The following ZNF831 variants were observed in gnomAD, a reference collection of about 807,000 sequenced individuals.
The protein encoded by ZNF831 is chromosome 20 open reading frame 174.
ZNF831 carries 59 observed loss-of-function variants against 95.8 expected under a neutral mutation model. The ratio of observed to expected loss-of-function variants is 0.62; its 90% CI spans 0.50 to 0.77. ZNF831 has a LOEUF of 0.77. ZNF831 is among the 30% of genes least tolerant of loss of function. The pLI is 0.00. For synonymous variants in ZNF831, 961 were observed against 925.5 expected (o/e 1.04, Z -0.70); for missense variants, 2,205 against 2,164.0 (o/e 1.02, Z -0.38).
chr20:59,159,928 G>A (rs1980758678), upstream of ZNF831: 1 of 152,528 alleles, frequency 6.6e-6, no homozygotes, highest in Non-Finnish European at 1.5e-5. Flanking sequence ...AGCAAGTTCA[G>A]GGAAGTGAGG....
chr20:59,128,854 C>T (rs1480143917), intron 1 of ZNF831, among the ~76,000 whole-genome samples: 2 of 152,196 alleles, frequency 1.3e-5, no homozygotes, highest in East Asian at 1.9e-4. Context: ...CTCCACCTCC[C>T]GGGTTCAAGC....
chr20:59,200,287 T>G (rs1984434287), intron 3 of ZNF831, among the ~76,000 whole-genome samples: 2 of 152,192 alleles, frequency 1.3e-5, no homozygotes, highest in Non-Finnish European at 2.9e-5. Context: ...ATTGCCTCTG[T>G]CCTGTTCCCT....
upstream of ZNF831, among the ~76,000 whole-genome samples, chr20:59,163,219 A>G (rs1245144692): frequency 3.3e-5 from 5 of 152,170 alleles, no homozygotes; most frequent in Non-Finnish European, 7.4e-5. Flanking sequence ...TTTTCTAGAT[A>G]TAGAATCATA....
At chr20:59,236,460 G>T in intron 4 of ZNF831, among the ~76,000 whole-genome samples, 1 of 150,596 alleles carries the variant, frequency 6.6e-6, no homozygotes. Flanking sequence ...TTTTGTTTTT[G>T]TTTTTTGTTT....
chr20:59,192,165 G>A lies in ZNF831; in HGVS notation c.1146G>A (p.Gly382=), dbSNP rs767596721. 28 of 1,561,792 alleles carry A rather than the reference G, an allele frequency of 1.8e-5. No homozygotes were observed. The highest frequency in any genetic ancestry group is 2.2e-5 in the Non-Finnish European group (26 of 1,159,232). ...ESEGEGGPGP[G]PGVAGAEPGA... ...AGGGGGAGGGCGGCCCGGGCCCGGG[G>A]CCAGGGGTCGCAGGGGCCGAGCCCG... is the stretch of plus-strand genomic sequence containing the variant. The change falls in exon 2 of 6, where the codon GGG becomes GGA. Residue 382 remains glycine, a synonymous_variant. Coordinates refer to ENST00000371030, the MANE Select transcript of ZNF831 (RefSeq NM_178457.3). The surrounding 1 kb of genome is among the most constrained non-coding windows in gnomAD (Gnocchi z 5.2).
intron 1 of ZNF831, among the ~76,000 whole-genome samples, chr20:59,145,811 C>T (rs957856231): frequency 1.7e-4 from 26 of 152,014 alleles, no homozygotes; most frequent in African/African-American, 4.8e-4. Context: ...TGTGAGTGGC[C>T]GTGGGAGTGG....
rs569143206 is a variant in ZNF831 at position 59,204,705 on chromosome 20, C to T, written c.3876-2200C>T. On this transcript the variant is annotated intron_variant, in intron 3 of 5. Coordinates refer to ENST00000371030, the MANE Select transcript of ZNF831 (RefSeq NM_178457.3). The stretch of plus-strand genomic sequence containing the variant: ...CCTGACAAAGGTGGCAAGGGGGTGA[C>T]GAGTGTATCACCCTCACAGCCGGGT... Among the ~76,000 whole-genome samples, 3 of 152,246 alleles carry T rather than the reference C, an allele frequency of 2.0e-5. No homozygotes were observed. The South Asian group carries it at 6.2e-4, about 32-fold the overall frequency.
chr20:59,164,960 A>G (rs757709129), intron 1 of ZNF831, among the ~76,000 whole-genome samples: 10 of 152,244 alleles, frequency 6.6e-5, no homozygotes, highest in Non-Finnish European at 1.0e-4. Context: ...CTGACTGGGA[A>G]AAACAGAATC....
Position 59,253,067 on chromosome 20 carries a change from C to A in ZNF831, c.4117C>A (p.Gln1373Lys). Residue 1373 changes from glutamine to lysine, a missense_variant, in exon 5 of 6, where the codon CAA (glutamine) becomes AAA (lysine). Gln to Lys is a moderately conservative substitution (Grantham distance 53). Coordinates refer to ENST00000371030, the MANE Select transcript of ZNF831 (RefSeq NM_178457.3). ...KEEKKEGDCR[Q>K]TLGTLSLGTS... ...AGAGAAGAAGGAAGGTGACTGCAGA[C>A]AAACCTTAGGAACCCTCTCTCTTGG... The A allele has an allele frequency of 6.2e-7, 1 of 1,614,106 alleles. No homozygotes were observed. Among genetic ancestry groups the A allele is most frequent in the Non-Finnish European group, 8.5e-7 (1 of 1,179,988 alleles).
At chr20:59,187,934 A>G (rs149231082) in intron 1 of ZNF831, among the ~76,000 whole-genome samples, 1 of 152,354 alleles carries the variant, frequency 6.6e-6, no homozygotes, top group East Asian at 1.9e-4. Flanking sequence ...TTCATGCAGC[A>G]TGACGTTTTC....
intron 1 of ZNF831, among the ~76,000 whole-genome samples, chr20:59,130,136 G>A (rs1165367412): frequency 6.6e-6 from 1 of 152,168 alleles, no homozygotes; most frequent in Non-Finnish European, 1.5e-5. Context: ...AGGGAGCTAG[G>A]AAGGGCCTGG....
chr20:59,220,162 G>C (rs549048258), intron 4 of ZNF831, among the ~76,000 whole-genome samples: 1 of 152,270 alleles, frequency 6.6e-6, no homozygotes, highest in East Asian at 1.9e-4. Flanking sequence ...AATGAATCCT[G>C]AGTTTTGTTC....
intron 1 of ZNF831, among the ~76,000 whole-genome samples, chr20:59,141,567 A>G (rs1979680770): frequency 6.6e-6 from 1 of 152,100 alleles, no homozygotes; most frequent in Non-Finnish European, 1.5e-5. Context: ...ATTCTGTTCT[A>G]TTGATTTAGG....
At chr20:59,132,026 T>A (rs1979364868) in intron 1 of ZNF831, among the ~76,000 whole-genome samples, 1 of 152,226 alleles carries the variant, frequency 6.6e-6, no homozygotes, top group Non-Finnish European at 1.5e-5. Flanking sequence ...GGGGTAACAT[T>A]CTGGATGCCT....
chr20:59,136,609 A>AT (rs1979519271), intron 1 of ZNF831, among the ~76,000 whole-genome samples: 1 of 152,078 alleles, frequency 6.6e-6, no homozygotes, highest in Non-Finnish European at 1.5e-5. Flanking sequence ...CTCCCTCTTG[A>AT]TTGCAGTCCA....
At chr20:59,216,159 G>A (rs1985666823) in intron 4 of ZNF831, among the ~76,000 whole-genome samples, 1 of 152,092 alleles carries the variant, frequency 6.6e-6, no homozygotes, top group African/African-American at 2.4e-5. Context: ...CCCCTCTCTT[G>A]GAGAGCCATA....
chr20:59,165,762 C>A (rs1288396180), intron 1 of ZNF831, among the ~76,000 whole-genome samples: 1 of 149,660 alleles, frequency 6.7e-6, no homozygotes, highest in African/African-American at 2.5e-5. Context: ...TTCTTTTTTT[C>A]TTTTTTGGAG....
intron 2 of ZNF831, among the ~76,000 whole-genome samples, chr20:59,151,955 C>T (rs1245281884): frequency 2.6e-5 from 4 of 152,172 alleles, no homozygotes; most frequent in Non-Finnish European, 5.9e-5. Flanking sequence ...CATATAGCCT[C>T]AGCCACAGGT....
At chr20:59,235,307 G>A (rs929356167) in intron 4 of ZNF831, among the ~76,000 whole-genome samples, 1 of 152,096 alleles carries the variant, frequency 6.6e-6, no homozygotes, top group South Asian at 2.1e-4. Flanking sequence ...GCTTCTCTTG[G>A]GAGACTTTTG....
Sources: gnomAD v4.1 joint callset for allele counts (sites outside exome capture counted in the v4.1 genomes callset) on GRCh38, gnomAD v4.1.1 for gene constraint, Gnocchi (gnomAD v3.1) non-coding constraint, MANE v1.5 for transcripts, NCBI Gene and HGNC (gene_info 2026-07-23, HGNC 2026-07-21) for gene names.